Variants in DPP10 observed in about 807,000 individuals in gnomAD.
The protein encoded by DPP10 is dipeptidyl peptidase like 10, also known as inactive dipeptidyl peptidase 10.
A neutral mutation model predicts 120.9 loss-of-function variants in DPP10; 33 were observed. The observed-to-expected ratio is 0.27, with a 90% CI of 0.21 to 0.37. The LOEUF (loss-of-function observed/expected upper bound fraction) is 0.37, where lower values mean the gene tolerates loss of function less well. Ranked by LOEUF, DPP10 falls within the 10% of genes least tolerant of loss-of-function variation. The probability of loss-of-function intolerance (pLI) is 1.00; values close to 1 mark genes in which losing one functional copy is unlikely to be tolerated. For missense variants in DPP10, 816 were observed against 942.8 expected (o/e 0.87, Z 1.76); for synonymous variants, 337 against 326.1 (o/e 1.03, Z -0.36).
intron 7 of DPP10, among the ~76,000 whole-genome samples, chr2:115,722,716 C>T (rs2092677325): frequency 6.6e-6 from 1 of 152,122 alleles, no homozygotes; most frequent in Admixed American, 6.5e-5. Flanking sequence ...TGTATGTGGT[C>T]TGTTACCGAC....
chr2:115,751,034 T>C (rs1172651488), intron 10 of DPP10, among the ~76,000 whole-genome samples: 1 of 152,196 alleles, frequency 6.6e-6, no homozygotes, highest in Non-Finnish European at 1.5e-5. Context: ...AAAGCAACTA[T>C]ATATCAGTTC....
intron 1 of DPP10, among the ~76,000 whole-genome samples, chr2:114,803,361 G>A (rs1232141971): frequency 6.6e-6 from 1 of 152,160 alleles, no homozygotes; most frequent in Non-Finnish European, 1.5e-5. Context: ...AGTAGAGTGG[G>A]GCATTGCTTA....
chr2:115,795,356 A>G (rs756465284), intron 19 of DPP10, among the ~76,000 whole-genome samples: 23 of 152,126 alleles, frequency 1.5e-4, no homozygotes, highest in Non-Finnish European at 3.4e-4. Flanking sequence ...GAGGCAGTAA[A>G]TGTTCAACAG....
chr2:115,161,940 A>C lies in DPP10; in HGVS notation c.61-147299A>C, dbSNP rs1007796103. 6 of 1,440,218 alleles carry C rather than the reference A, an allele frequency of 4.2e-6. No homozygotes were observed. The African/African-American group carries it at 9.0e-5, about 21-fold the overall frequency. The allele number at this position is 1,440,218 out of a possible 1,614,324, so 89.2% of individuals were successfully genotyped here. A position where few individuals can be genotyped will look rare whatever the true frequency, so the allele number is the denominator to read the frequency against. On this transcript the variant is annotated intron_variant, in intron 1 of 25. Transcript: ENST00000410059. ...AAGCGCCCGCGAGGAAGCGAGCGCC[A>C]GCGCGGGCCGCCGGCGATGACGGCC...
chr2:114,882,815 G>A (rs922201604), intron 1 of DPP10, among the ~76,000 whole-genome samples: 1 of 151,866 alleles, frequency 6.6e-6, no homozygotes, highest in Non-Finnish European at 1.5e-5. Context: ...CCAAGACTAG[G>A]AAAAATATGA....
chr2:114,968,734 C>T (rs994091896), intron 1 of DPP10, among the ~76,000 whole-genome samples: 4 of 152,054 alleles, frequency 2.6e-5, no homozygotes, highest in Non-Finnish European at 5.9e-5. Flanking sequence ...TAAAGCCAAA[C>T]GTTTACTAAT....
chr2:114,502,119 A>G (rs767084621), intron 1 of DPP10, among the ~76,000 whole-genome samples: 1 of 150,314 alleles, frequency 6.7e-6, no homozygotes, highest in Non-Finnish European at 1.5e-5. Flanking sequence ...TATTTATTTT[A>G]TTTATTTTAT....
At chr2:115,730,312 G>A (rs1022437162) in intron 8 of DPP10, among the ~76,000 whole-genome samples, 1 of 152,134 alleles carries the variant, frequency 6.6e-6, no homozygotes, top group African/African-American at 2.4e-5. Context: ...AAGCAGATGG[G>A]GTGAATGATA....
intron 1 of DPP10, among the ~76,000 whole-genome samples, chr2:115,258,453 C>T (rs550703320): frequency 6.8e-6 from 1 of 147,802 alleles, no homozygotes; most frequent in African/African-American, 2.5e-5. Flanking sequence ...ATTGTTCTAG[C>T]TTACACACTG....
At chr2:114,917,948 T>C (rs1171609222) in intron 1 of DPP10, among the ~76,000 whole-genome samples, 8 of 151,926 alleles carry the variant, frequency 5.3e-5, no homozygotes, top group African/African-American at 1.9e-4. Context: ...AAAACAAAAA[T>C]TGACAAATGG....
chr2:114,578,699 G>A (rs986203802), intron 1 of DPP10, among the ~76,000 whole-genome samples: 2 of 152,120 alleles, frequency 1.3e-5, no homozygotes, highest in Non-Finnish European at 1.5e-5. Context: ...CGGTGTTCTG[G>A]ATGCTTTAGT....
chr2:115,181,621 T>A (rs1344680616), intron 1 of DPP10, among the ~76,000 whole-genome samples: 1 of 152,172 alleles, frequency 6.6e-6, no homozygotes, highest in Admixed American at 6.5e-5. Flanking sequence ...CCCCTGCAGA[T>A]CTCTTAAGAA....
intron 1 of DPP10, among the ~76,000 whole-genome samples, chr2:114,574,261 C>G (rs1020398522): frequency 2.6e-5 from 4 of 152,102 alleles, no homozygotes; most frequent in African/African-American, 9.7e-5. Flanking sequence ...AGGTTTTTCC[C>G]CCTCCCATTC....
At chr2:114,631,204 G>A (rs902507134) in intron 1 of DPP10, among the ~76,000 whole-genome samples, 7 of 152,078 alleles carry the variant, frequency 4.6e-5, no homozygotes, top group East Asian at 3.9e-4. Context: ...GAATGCCTAC[G>A]GCTGCTGAGC....
chr2:115,418,808 A>G (rs1417223051), intron 3 of DPP10, among the ~76,000 whole-genome samples: 1 of 152,120 alleles, frequency 6.6e-6, no homozygotes, highest in Non-Finnish European at 1.5e-5. Flanking sequence ...AATTAATTTA[A>G]AAAACTAAAA....
intron 1 of DPP10, among the ~76,000 whole-genome samples, chr2:114,709,316 C>T (rs547693635): frequency 6.6e-5 from 10 of 152,010 alleles, no homozygotes; most frequent in Non-Finnish European, 1.2e-4. Context: ...GGCCTCTTTC[C>T]TCTCTCTCTC....
At chr2:114,549,579 T>C (rs1413947427) in intron 1 of DPP10, among the ~76,000 whole-genome samples, 2 of 147,500 alleles carry the variant, frequency 1.4e-5, no homozygotes, top group African/African-American at 5.0e-5. Flanking sequence ...GAGAATCACT[T>C]GAACCCAGGA....
At chr2:114,513,621 GAAAA>G (rs1451306300) in intron 1 of DPP10, among the ~76,000 whole-genome samples, 1 of 131,160 alleles carries the variant, frequency 7.6e-6, no homozygotes. Context: ...AGGAAGGGAG[GAAAA>G]AGAAAGAAAG....
At chr2:114,856,333 T>C (rs1689365780) in intron 1 of DPP10, among the ~76,000 whole-genome samples, 1 of 152,180 alleles carries the variant, frequency 6.6e-6, no homozygotes, top group Non-Finnish European at 1.5e-5. Context: ...AAAATCCTCT[T>C]GAAATTGTCT....
Sources: allele counts gnomAD v4.1 joint callset (sites outside exome capture counted in the v4.1 genomes callset), GRCh38; gene constraint gnomAD v4.1.1; transcripts MANE v1.5; gene names NCBI Gene and HGNC (gene_info 2026-07-23, HGNC 2026-07-21).